The following ST18 variants were observed in gnomAD, a reference collection of about 807,000 sequenced individuals.
ST18 encodes ST18 C2H2C-type zinc finger transcription factor.
In ST18, 50 loss-of-function variants were observed where a neutral mutation model predicts 110.0. The observed-to-expected ratio is 0.45, with a 90% confidence interval of 0.36 to 0.58. ST18 has a LOEUF of 0.58. Among genes scored for constraint, ST18 ranks in the 20% least tolerant of loss-of-function variants. The probability of loss-of-function intolerance (pLI) is 0.00; values close to 1 mark genes in which losing one functional copy is unlikely to be tolerated. For synonymous variants in ST18, 461 were observed against 452.4 expected, an observed-to-expected ratio of 1.02 and a Z score of -0.24; for missense variants, 1,306 against 1,280.1, an observed-to-expected ratio of 1.02 and a Z score of -0.31.
chr8:52,139,322 TTATATA>T (rs58564463), intron 17 of ST18, among the ~76,000 whole-genome samples: 11 of 148,482 alleles, frequency 7.4e-5, no homozygotes, highest in African/African-American at 1.2e-4. Flanking sequence ...CAGCATTGCA[TTATATA>T]TATATATATA....
At chr8:52,127,605 T>C (rs758948936) in intron 22 of ST18, among the ~76,000 whole-genome samples, 11 of 152,184 alleles carry the variant, frequency 7.2e-5, no homozygotes, top group Non-Finnish European at 1.0e-4. Context: ...CCTTAAAGGA[T>C]CTACTCTGTG....
intron 15 of ST18, among the ~76,000 whole-genome samples, chr8:52,157,426 G>T (rs2060309296): frequency 6.6e-6 from 1 of 151,972 alleles, no homozygotes; most frequent in African/African-American, 2.4e-5. Context: ...ATAACCAAAT[G>T]ATAAGGCACT....
At chr8:52,262,664 C>T (rs112660597) in intron 2 of ST18, among the ~76,000 whole-genome samples, 2,191 of 152,270 alleles carry the variant, frequency 0.014, 28 homozygotes, top group Non-Finnish European at 0.023. Context: ...GCTAATATTA[C>T]CCAAATAAAT....
chr8:52,366,631 ACCT>A (rs1463063144), intron 2 of ST18, among the ~76,000 whole-genome samples: 1 of 152,080 alleles, frequency 6.6e-6, no homozygotes, highest in Admixed American at 6.5e-5. Flanking sequence ...CTGCCATGTC[ACCT>A]CCTCAAAGAT....
intron 2 of ST18, among the ~76,000 whole-genome samples, chr8:52,255,587 G>T (rs912657649): frequency 6.6e-6 from 1 of 151,978 alleles, no homozygotes; most frequent in Admixed American, 6.6e-5. Context: ...TTTTTCTGCT[G>T]GTAGGGCTGA....
chr8:52,172,071 C>A lies in ST18; in HGVS notation c.790G>T (p.Ala264Ser), dbSNP rs750211258. Residue 264 changes from alanine (A) to serine (S), a missense_variant, in exon 10 of 26, where the codon GCA (alanine) becomes TCA (serine). By Grantham distance (99) the Ala-to-Ser change is moderately conservative (BLOSUM62 1). Coordinates refer to ENST00000689386, the MANE Select transcript of ST18 (RefSeq NM_001352837.2). ...TERKDPQNAL[A>S]EPLDGNAQPS... ...TGGGCATTGCCATCCAGGGGTTCTG[C>A]GAGAGCATTCTGCGGGTCTTTCCTT... 2 of 1,614,086 alleles carry A rather than the reference C, an allele frequency of 1.2e-6. No homozygotes were observed. The highest frequency in any genetic ancestry group is 4.5e-5 in the East Asian group (2 of 44,892).
At chr8:52,312,606 A>G (rs1255180626) in intron 2 of ST18, among the ~76,000 whole-genome samples, 2 of 152,242 alleles carry the variant, frequency 1.3e-5, no homozygotes, top group African/African-American at 2.4e-5. Flanking sequence ...GAGCAGATCA[A>G]TATAGCATAA....
chr8:52,379,504 C>A (rs1340266070), intron 2 of ST18, among the ~76,000 whole-genome samples: 1 of 151,960 alleles, frequency 6.6e-6, no homozygotes, highest in Non-Finnish European at 1.5e-5. Context: ...CTCCAAAGGT[C>A]CACATATGCA....
intron 7 of ST18, 92 bp from the exon 8 acceptor site, chr8:52,212,201 G>A (rs2082416799): frequency 6.4e-6 from 8 of 1,245,440 alleles, no homozygotes; most frequent in South Asian, 2.7e-5. Flanking sequence ...TAGAGGTAAC[G>A]ACCAATAAGT....
intron 2 of ST18, among the ~76,000 whole-genome samples, chr8:52,341,300 C>T (rs1337743800): frequency 2.6e-5 from 4 of 152,160 alleles, no homozygotes; most frequent in African/African-American, 4.8e-5. Context: ...CAGGATGATA[C>T]GGTTGACTTT....
intron 2 of ST18, among the ~76,000 whole-genome samples, chr8:52,302,630 C>T (rs1172039908): frequency 1.3e-5 from 2 of 152,080 alleles, no homozygotes; most frequent in Non-Finnish European, 2.9e-5. Context: ...ACAAAGTGGA[C>T]CTGAACATTT....
intron 2 of ST18, among the ~76,000 whole-genome samples, chr8:52,343,819 T>C (rs1816365154): frequency 6.6e-6 from 1 of 152,204 alleles, no homozygotes; most frequent in Admixed American, 6.5e-5. Flanking sequence ...CTTTTAAAGG[T>C]ATTTTAAGTA....
At chr8:52,131,026 G>T (rs1371934686) in intron 22 of ST18, among the ~76,000 whole-genome samples, 3 of 152,124 alleles carry the variant, frequency 2.0e-5, no homozygotes, top group African/African-American at 7.2e-5. Flanking sequence ...TAAACCACTG[G>T]AAAAAGTCAA....
At chr8:52,264,173 T>A (rs1362402714) in intron 2 of ST18, among the ~76,000 whole-genome samples, 1 of 152,212 alleles carries the variant, frequency 6.6e-6, no homozygotes, top group East Asian at 1.9e-4. Context: ...AAAACAGTGA[T>A]GTTTTTCAAC....
chr8:52,392,390 G>A (rs1372276938), intron 2 of ST18, among the ~76,000 whole-genome samples: 1 of 152,110 alleles, frequency 6.6e-6, no homozygotes, highest in Non-Finnish European at 1.5e-5. Context: ...GAGGCTGGTG[G>A]AGATGAGTGG....
At chr8:52,113,775 G>A (rs1049915613) in intron 25 of ST18, among the ~76,000 whole-genome samples, 2 of 151,952 alleles carry the variant, frequency 1.3e-5, no homozygotes, top group Admixed American at 1.3e-4. Context: ...GAAACTTAAA[G>A]AATTTAAGAT....
At chr8:52,206,611 G>A (rs1194697740) in intron 8 of ST18, 3 of 152,244 alleles carry the variant, frequency 2.0e-5, no homozygotes, top group Non-Finnish European at 2.9e-5. Flanking sequence ...CCACACCCTG[G>A]AGGGACACTT....
chr8:52,334,440 G>A lies in ST18; in HGVS notation c.-465+74888C>T, dbSNP rs538510857. Among the ~76,000 whole-genome samples, 3 of 152,290 alleles carry A rather than the reference G, an allele frequency of 2.0e-5. No homozygotes were observed. In the South Asian group the frequency reaches 6.2e-4, roughly 32 times the overall value. ...CTCACCTTTGAAATTTCCATAGAAA[G>A]ATCACTCTTCCTTGTAGAAATCTGG... On this transcript the variant is annotated intron_variant, in intron 2 of 25. Transcript: ENST00000689386.
chr8:52,233,548 C>G (rs1439638154), intron 2 of ST18, among the ~76,000 whole-genome samples: 1 of 152,154 alleles, frequency 6.6e-6, no homozygotes, highest in Non-Finnish European at 1.5e-5. Flanking sequence ...TGATCCCTCT[C>G]TCCTTGGATG....
Sources: gnomAD v4.1 joint callset for allele counts (sites outside exome capture counted in the v4.1 genomes callset) on GRCh38, gnomAD v4.1.1 for gene constraint, MANE v1.5 for transcripts, NCBI Gene and HGNC (gene_info 2026-07-23, HGNC 2026-07-21) for gene names.